MEOX2: variants seen among roughly 807,000 people sequenced by gnomAD.
The protein encoded by MEOX2 is homeobox protein MOX-2.
MEOX2 carries 11 observed loss-of-function variants against 27.0 expected under a neutral mutation model. The ratio of observed to expected loss-of-function variants is 0.41; its 90% CI spans 0.26 to 0.68. MEOX2 has a LOEUF of 0.68. MEOX2 is among the 30% of genes least tolerant of loss of function. The pLI, the probability that MEOX2 is intolerant of heterozygous loss-of-function variation, is 0.33. For missense variants in MEOX2, 436 were observed against 385.4 expected (o/e 1.13, Z -1.10); for synonymous variants, 189 against 155.4 (o/e 1.22, Z -1.61).
intron 1 of MEOX2, among the ~76,000 whole-genome samples, chr7:15,665,318 C>A (rs1349034374): frequency 6.6e-6 from 1 of 152,016 alleles, no homozygotes; most frequent in African/African-American, 2.4e-5. Flanking sequence ...CAATCAGCAG[C>A]CCTAATTATC....
intron 1 of MEOX2, among the ~76,000 whole-genome samples, chr7:15,633,821 T>C (rs1490582721): frequency 6.6e-6 from 1 of 151,936 alleles, no homozygotes; most frequent in African/African-American, 2.4e-5. Flanking sequence ...GTCTTCCTCA[T>C]CTTTGTATTT....
At chr7:15,673,652 C>G (rs774541303) in intron 1 of MEOX2, among the ~76,000 whole-genome samples, 1 of 95,080 alleles carries the variant, frequency 1.1e-5, no homozygotes, top group Non-Finnish European at 2.3e-5. Flanking sequence ...CCAACATCAA[C>G]AAAAACGGTC....
intron 1 of MEOX2, among the ~76,000 whole-genome samples, chr7:15,655,097 G>C (rs1171690858): frequency 6.6e-6 from 1 of 151,342 alleles, no homozygotes. Flanking sequence ...TTCATATTGG[G>C]TGAATTGCAC....
At chr7:15,650,602 C>G (rs946093943) in intron 1 of MEOX2, among the ~76,000 whole-genome samples, 10 of 151,986 alleles carry the variant, frequency 6.6e-5, no homozygotes, top group Non-Finnish European at 1.2e-4. Flanking sequence ...GTGCCAGTAA[C>G]TGTGCAGGGC....
intron 1 of MEOX2, among the ~76,000 whole-genome samples, chr7:15,676,857 CA>C (rs60038068): frequency 2.8e-3 from 374 of 132,224 alleles, no homozygotes; most frequent in Non-Finnish European, 3.6e-3. Flanking sequence ...AACTCGGTCT[CA>C]AAAAAAAAAA....
At chr7:15,613,429 A>C (rs7800473) in intron 2 of MEOX2, among the ~76,000 whole-genome samples, 102,018 of 150,694 alleles carry the variant, frequency 0.68, 34,787 homozygotes, top group East Asian at 0.81. Flanking sequence ...AAAGGTCTAT[A>C]CATTATCAGA....
chr7:15,653,599 A>G (rs1781773780), intron 1 of MEOX2, among the ~76,000 whole-genome samples: 1 of 152,018 alleles, frequency 6.6e-6, no homozygotes, highest in South Asian at 2.1e-4. Flanking sequence ...TATTCTAAGT[A>G]TCATAAGTGA....
chr7:15,669,347 T>A (rs1014185364), intron 1 of MEOX2, among the ~76,000 whole-genome samples: 2 of 152,382 alleles, frequency 1.3e-5, no homozygotes, highest in East Asian at 3.9e-4. Context: ...TATTTGTTTT[T>A]TGTGTTTCTA....
chr7:15,619,551 C>T (rs2115355448), intron 2 of MEOX2, among the ~76,000 whole-genome samples: 1 of 151,956 alleles, frequency 6.6e-6, no homozygotes, highest in South Asian at 2.1e-4. Context: ...GAGCAAATTT[C>T]AGTAAAATCT....
chr7:15,681,908 T>G (rs998238488), intron 1 of MEOX2: 2 of 151,948 alleles, frequency 1.3e-5, no homozygotes, highest in African/African-American at 4.8e-5. Flanking sequence ...AATTGGAAAC[T>G]ATTCCTACTT....
chr7:15,631,206 T>C (rs912629367), intron 1 of MEOX2, among the ~76,000 whole-genome samples: 1 of 151,648 alleles, frequency 6.6e-6, no homozygotes, highest in African/African-American at 2.4e-5. Flanking sequence ...TTATAATTAT[T>C]ATTGTGATAG....
At chr7:15,668,574 T>C (rs1032272192) in intron 1 of MEOX2, among the ~76,000 whole-genome samples, 5 of 152,010 alleles carry the variant, frequency 3.3e-5, no homozygotes, top group Admixed American at 2.0e-4. Flanking sequence ...ATCCGCCTCC[T>C]GGGTTCAAGC....
At chr7:15,685,237 T>A (rs575799922) in intron 1 of MEOX2, among the ~76,000 whole-genome samples, 3 of 152,330 alleles carry the variant, frequency 2.0e-5, no homozygotes, top group East Asian at 3.9e-4. Flanking sequence ...TTATTTACAA[T>A]TCTCTGACAC....
chr7:15,643,725 G>A lies in MEOX2; in HGVS notation c.518-16807C>T, dbSNP rs75009653. Among the ~76,000 whole-genome samples, 606 of 152,214 alleles carry A rather than the reference G, an allele frequency of 4.0e-3. 4 individuals carry two copies. Among genetic ancestry groups the A allele is most frequent in the African/African-American group, 0.014 (567 of 41,534 alleles). The stretch of plus-strand genomic sequence containing the variant: ...TTCATGAAGGGAGGGGTGCCCAGCC[G>A]CTGTGCCCCTAAACAAACCTGTGCC... On this transcript the variant is annotated intron_variant, in intron 1 of 2. Transcript: ENST00000262041.
chr7:15,668,935 A>T (rs1319570948), intron 1 of MEOX2, among the ~76,000 whole-genome samples: 2 of 152,228 alleles, frequency 1.3e-5, no homozygotes, highest in Non-Finnish European at 2.9e-5. Context: ...TACATACGCA[A>T]ACTATTTCTT....
At chr7:15,645,431 A>C (rs927011560) in intron 1 of MEOX2, among the ~76,000 whole-genome samples, 7 of 152,192 alleles carry the variant, frequency 4.6e-5, no homozygotes, top group Admixed American at 1.3e-4. Flanking sequence ...ATATCCAAAT[A>C]CCGAAATGTA....
chr7:15,649,125 G>A (rs981073723), intron 1 of MEOX2, among the ~76,000 whole-genome samples: 1 of 152,008 alleles, frequency 6.6e-6, no homozygotes. Context: ...CCATGCATAT[G>A]CTGATCTTTT....
At chr7:15,640,990 T>TTTG (rs1054581685) in intron 1 of MEOX2, among the ~76,000 whole-genome samples, 8 of 152,074 alleles carry the variant, frequency 5.3e-5, no homozygotes, top group East Asian at 3.9e-4. Flanking sequence ...TGATTTTATT[T>TTTG]TTGTTGTTGT....
intron 1 of MEOX2, among the ~76,000 whole-genome samples, chr7:15,652,714 T>C (rs866019476): frequency 5.3e-5 from 8 of 152,040 alleles, no homozygotes; most frequent in Non-Finnish European, 1.0e-4. Context: ...GCTATTTATA[T>C]GGAATAATAC....
Sources: gnomAD v4.1 joint callset for allele counts (sites outside exome capture counted in the v4.1 genomes callset) on GRCh38, gnomAD v4.1.1 for gene constraint, MANE v1.5 for transcripts, NCBI Gene and HGNC (gene_info 2026-07-23, HGNC 2026-07-21) for gene names.